The following SETBP1 variants were observed in gnomAD, a reference collection of about 807,000 sequenced individuals.
The protein encoded by SETBP1 is SET-binding protein.
A neutral mutation model predicts 101.0 loss-of-function variants in SETBP1; 9 were observed. That is an observed-to-expected ratio of 0.09 (90% CI 0.05 to 0.16). The LOEUF (loss-of-function observed/expected upper bound fraction) is 0.16, where lower values mean the gene tolerates loss of function less well. Among genes scored for constraint, SETBP1 ranks in the 10% least tolerant of loss-of-function variants. The pLI is 1.00. For missense variants in SETBP1, 1,858 were observed against 2,033.8 expected (o/e 0.91, Z 1.66); for synonymous variants, 818 against 788.5 (o/e 1.04, Z -0.63).
intron 2 of SETBP1, among the ~76,000 whole-genome samples, chr18:44,765,973 C>A (rs1402255894): frequency 6.6e-6 from 1 of 152,202 alleles, no homozygotes; most frequent in Non-Finnish European, 1.5e-5. Context: ...TATTAGCCAG[C>A]CTGTAGTAGG....
chr18:44,813,156 G>T (rs1047689505), intron 2 of SETBP1, among the ~76,000 whole-genome samples: 1 of 152,076 alleles, frequency 6.6e-6, no homozygotes, highest in South Asian at 2.1e-4. Flanking sequence ...CTTTCCCACT[G>T]ATGTCCTACA....
At chr18:44,788,114 T>C (rs945092424) in intron 2 of SETBP1, among the ~76,000 whole-genome samples, 2 of 151,712 alleles carry the variant, frequency 1.3e-5, no homozygotes, top group Admixed American at 6.6e-5. Flanking sequence ...TCTCAAGTGA[T>C]TGAAAGAAGT....
intron 5 of SETBP1, among the ~76,000 whole-genome samples, chr18:45,059,863 G>A (rs1384851029): frequency 1.3e-5 from 2 of 152,108 alleles, no homozygotes; most frequent in African/African-American, 4.8e-5. Flanking sequence ...TGCCTTGGGG[G>A]GAAGTAGATG....
chr18:45,015,560 A>T (rs1308155088), intron 4 of SETBP1, among the ~76,000 whole-genome samples: 1 of 152,232 alleles, frequency 6.6e-6, no homozygotes, highest in African/African-American at 2.4e-5. Flanking sequence ...TCATGCCCCA[A>T]GCCTGATAAA....
At chr18:45,049,107 GAATAACA>G (rs2073677725) in intron 5 of SETBP1, among the ~76,000 whole-genome samples, 1 of 150,836 alleles carries the variant, frequency 6.6e-6, no homozygotes, top group Non-Finnish European at 1.5e-5. Flanking sequence ...TGAATAGATC[GAATAACA>G]ATCTGAGATA....
chr18:44,757,396 G>A (rs1168597757), intron 2 of SETBP1, among the ~76,000 whole-genome samples: 2 of 152,192 alleles, frequency 1.3e-5, no homozygotes, highest in Non-Finnish European at 2.9e-5. Flanking sequence ...TGTAGAGCCT[G>A]CCTCACTGCT....
chr18:44,729,312 G>C (rs1372624559), intron 2 of SETBP1, among the ~76,000 whole-genome samples: 2 of 152,240 alleles, frequency 1.3e-5, no homozygotes, highest in African/African-American at 2.4e-5. Flanking sequence ...ATAGGGGAGA[G>C]AGACTGGAGC....
intron 4 of SETBP1, among the ~76,000 whole-genome samples, chr18:45,004,399 T>G (rs1385834904): frequency 6.6e-6 from 1 of 152,230 alleles, no homozygotes; most frequent in African/African-American, 2.4e-5. Flanking sequence ...ACATGCACTG[T>G]GTAGAAGAAA....
chr18:44,779,874 G>A (rs554162850), intron 2 of SETBP1, among the ~76,000 whole-genome samples: 43 of 151,672 alleles, frequency 2.8e-4, no homozygotes, highest in Non-Finnish European at 4.7e-4. Flanking sequence ...TTCTTCCCTT[G>A]TCTTAATAGT....
At chr18:44,835,266 C>G (rs1011975086) in intron 2 of SETBP1, among the ~76,000 whole-genome samples, 2 of 152,070 alleles carry the variant, frequency 1.3e-5, no homozygotes, top group Admixed American at 1.3e-4. Context: ...TCTTGCATCT[C>G]GAAGAGGCCC....
chr18:44,739,903 A>G (rs905646102), intron 2 of SETBP1, among the ~76,000 whole-genome samples: 4 of 152,184 alleles, frequency 2.6e-5, no homozygotes, highest in African/African-American at 7.2e-5. Context: ...GTGACCTTCT[A>G]TGAAGATCAG....
chr18:44,758,769 C>T (rs1599085210), intron 2 of SETBP1, among the ~76,000 whole-genome samples: 1 of 152,246 alleles, frequency 6.6e-6, no homozygotes, highest in East Asian at 1.9e-4. Flanking sequence ...GTTCTCCTGA[C>T]TGCCTCTTTT....
chr18:44,703,770 G>T (rs567972415), intron 2 of SETBP1, among the ~76,000 whole-genome samples: 1 of 152,112 alleles, frequency 6.6e-6, no homozygotes, highest in South Asian at 2.1e-4. Flanking sequence ...ATACTCTGTC[G>T]TGAAACCAAA....
intron 2 of SETBP1, among the ~76,000 whole-genome samples, chr18:44,855,696 TC>T (rs925038911): frequency 6.6e-5 from 10 of 152,216 alleles, no homozygotes; most frequent in African/African-American, 1.7e-4. Context: ...CAATGGTGAT[TC>T]CCCCACCCAG....
At chr18:44,954,946 T>C (rs1388138876) in intron 4 of SETBP1, among the ~76,000 whole-genome samples, 3 of 152,176 alleles carry the variant, frequency 2.0e-5, no homozygotes, top group Non-Finnish European at 4.4e-5. Flanking sequence ...GGACAGAAGA[T>C]GTTCTTATTT....
intron 2 of SETBP1, among the ~76,000 whole-genome samples, chr18:44,808,213 C>T (rs867929142): frequency 6.6e-6 from 1 of 152,192 alleles, no homozygotes; most frequent in Non-Finnish European, 1.5e-5. Context: ...TTTTCCTTAA[C>T]AATCATGATT....
At chr18:44,792,224 C>T (rs555743843) in intron 2 of SETBP1, among the ~76,000 whole-genome samples, 8 of 152,276 alleles carry the variant, frequency 5.3e-5, no homozygotes, top group East Asian at 1.9e-4. Context: ...CACTACAATA[C>T]GCAAATACAG....
Position 44,956,666 on chromosome 18 carries a change from T to A in SETBP1, c.4000+3326T>A, listed in dbSNP as rs368789034. 9.9e-5 allele frequency among the ~76,000 whole-genome samples: 15 copies of A among 152,204 alleles called. No individual in the cohort carries two copies. The East Asian group carries it at 2.5e-3, about 25-fold the overall frequency. ...TTTTTAGCCTGTTGAGGATGAGAAT[T>A]AGAAGCAGAGTCAAGAGAAGGCTTT... On this transcript the variant is annotated intron_variant, in intron 4 of 5. Transcript: ENST00000649279.
chr18:44,981,248 C>T (rs929630441), intron 4 of SETBP1, among the ~76,000 whole-genome samples: 1 of 152,232 alleles, frequency 6.6e-6, no homozygotes, highest in Admixed American at 6.5e-5. Flanking sequence ...CCCCGACTCT[C>T]ACCGTAATCT....
Sources: allele counts gnomAD v4.1 joint callset (sites outside exome capture counted in the v4.1 genomes callset), GRCh38; gene constraint gnomAD v4.1.1; transcripts MANE v1.5; gene names NCBI Gene and HGNC (gene_info 2026-07-23, HGNC 2026-07-21).